Variants in PTPRB observed in about 807,000 individuals in gnomAD.
PTPRB encodes the protein protein tyrosine phosphatase receptor type B.
In PTPRB, 97 loss-of-function variants were observed where a neutral mutation model predicts 238.1. That is an observed-to-expected ratio of 0.41 (90% CI 0.35 to 0.48). PTPRB has a LOEUF of 0.48. PTPRB is among the 20% of genes least tolerant of loss of function. The pLI is 0.30. For synonymous variants in PTPRB, 970 were observed against 995.4 expected, an observed-to-expected ratio of 0.97 and a Z score of 0.48; for missense variants, 2,292 against 2,681.9, an observed-to-expected ratio of 0.85 and a Z score of 3.21.
chr12:70,536,851 T>G (rs1273958620), intron 28 of PTPRB, among the ~76,000 whole-genome samples: 1 of 152,246 alleles, frequency 6.6e-6, no homozygotes, highest in African/African-American at 2.4e-5. Flanking sequence ...CTCAGCATGG[T>G]GCCTGCTTGG....
intron 31 of PTPRB, among the ~76,000 whole-genome samples, chr12:70,532,792 T>C (rs1873490066): frequency 6.6e-6 from 1 of 151,342 alleles, no homozygotes; most frequent in Non-Finnish European, 1.5e-5. Context: ...CAGGCATGTG[T>C]AACTACTCCC....
In PTPRB at chr12:70,566,548, G is replaced by A. The variant is rs1879324557; in HGVS notation, c.3791C>T (p.Thr1264Ile). 6.2e-7 allele frequency: 1 copy of A among 1,613,954 alleles called. No individual in the cohort carries two copies. Among genetic ancestry groups the A allele is most frequent in the Non-Finnish European group, 8.5e-7 (1 of 1,179,874 alleles). ...ILLRNTSEPATTKQHKFEDLT... is the reference protein window; with the variant it reads ...ILLRNTSEPAITKQHKFEDLT... ...ATCTTCAAATTTGTGTTGCTTAGTG[G>A]TGGCTGGCTCTGATGTGTTGCGCAG... The change falls in exon 15 of 34, where the codon ACC (threonine) becomes ATC (isoleucine). Residue 1264 changes from threonine to isoleucine, a missense_variant. Around this residue, in one of 4 missense-constraint regions of PTPRB, gnomAD observed 683 missense variants for 862.0 expected, o/e 0.79. Coordinates refer to ENST00000334414, the MANE Select transcript of PTPRB (RefSeq NM_001109754.4).
intron 22 of PTPRB, chr12:70,542,992 A>G (rs572152292): frequency 1.3e-5 from 2 of 151,944 alleles, no homozygotes; most frequent in South Asian, 2.1e-4. Context: ...TTTATATGCT[A>G]TTCAGCCCTT....
At position 70,534,530 on chromosome 12, in the gene PTPRB, ATGTAGTCCCTGAC is replaced by A; in HGVS notation, c.6313_6325del (p.Val2105SerfsTer34). The stretch of plus-strand genomic sequence containing the variant: ...GGGCCCAGCACCCGGGCTTCTGTTG[ATGTAGTCCCTGAC>A]AGTTCTCACAAACTGGATCAGAGAC... On this transcript the variant is annotated frameshift_variant, in exon 31 of 34. Transcript: ENST00000334414. LOFTEE classifies it high-confidence loss of function. The A allele has an allele frequency of 4.3e-6, 7 of 1,613,416 alleles. No homozygotes were observed. The highest frequency in any genetic ancestry group is 5.9e-6 in the Non-Finnish European group (7 of 1,179,728).
chr12:70,552,868 G>A lies in PTPRB; in HGVS notation c.5296C>T (p.Leu1766Phe). The A allele has an allele frequency of 6.2e-7, 1 of 1,613,958 alleles. No homozygotes were observed. Among genetic ancestry groups the A allele is most frequent in the Non-Finnish European group, 8.5e-7 (1 of 1,179,874 alleles). ...NSNSKSFNIK[L>F]GAEMESLGGK... Reference sequence around the variant, plus strand: ...CCTAGGCTCTCCATCTCTGCTCCAAGCTTAATGTTAAAACTCTTGGAGTTG... The same window carrying A: ...CCTAGGCTCTCCATCTCTGCTCCAAACTTAATGTTAAAACTCTTGGAGTTG... The change falls in exon 21 of 34, where the codon CTT becomes TTT. Residue 1766 changes from leucine (L) to phenylalanine (F), a missense_variant. Physicochemically the swap from Leu to Phe is conservative, Grantham distance 22. Coordinates refer to ENST00000334414, the MANE Select transcript of PTPRB (RefSeq NM_001109754.4).
At chr12:70,594,344 C>A in intron 6 of PTPRB, 123 bp downstream of exon 6, 1 of 1,297,868 alleles carries the variant, frequency 7.7e-7, no homozygotes, top group Non-Finnish European at 1.0e-6. Context: ...GGATATGGGT[C>A]TTCTATACCT....
Position 70,540,843 on chromosome 12 carries a change from G to A in PTPRB, c.5594+15C>T, listed in dbSNP as rs772631337. Reference sequence around the variant, plus strand: ...AAGTTGTGGGTCCAATCACCAAAAGGATCTTTGTACTTACCTCACTTTCTG... The same window carrying A: ...AAGTTGTGGGTCCAATCACCAAAAGAATCTTTGTACTTACCTCACTTTCTG... On this transcript the variant is annotated intron_variant, in intron 23 of 33. Coordinates refer to ENST00000334414, the MANE Select transcript of PTPRB (RefSeq NM_001109754.4). 1.4e-5 allele frequency: 22 copies of A among 1,576,236 alleles called. No individual in the cohort carries two copies. The African/African-American group carries it at 2.3e-4, about 16-fold the overall frequency.
At chr12:70,548,344 T>A (rs141890021) in intron 21 of PTPRB, among the ~76,000 whole-genome samples, 19 of 20,462 alleles carry the variant, frequency 9.3e-4, no homozygotes, top group African/African-American at 1.7e-3. Flanking sequence ...TCTCTCTCTC[T>A]CTCACACACA....
chr12:70,609,058 T>C lies in PTPRB; in HGVS notation c.979+11A>G, dbSNP rs1238219061. 1 of 1,613,358 alleles carries C rather than the reference T, an allele frequency of 6.2e-7. No individual in the cohort carries two copies. The highest frequency in any genetic ancestry group is 2.2e-5 in the East Asian group (1 of 44,878). ...TGGCTTGGCCATCCAATTGCACCTGTCATCCTTTACCTGTTTGCAAGACCA... is the reference window on the plus strand; with the variant it reads ...TGGCTTGGCCATCCAATTGCACCTGCCATCCTTTACCTGTTTGCAAGACCA... On this transcript the variant is annotated intron_variant, in intron 4 of 33. Coordinates refer to ENST00000334414, the MANE Select transcript of PTPRB (RefSeq NM_001109754.4).
chr12:70,619,661 C>T (rs1263917687), intron 3 of PTPRB, among the ~76,000 whole-genome samples: 2 of 152,108 alleles, frequency 1.3e-5, no homozygotes, highest in East Asian at 3.9e-4. Context: ...GACTCCCCAG[C>T]CTACACCCAG....
rs775967586 is a variant in PTPRB, at chr12:70,536,168, A to T, written c.5947-9T>A. On this transcript the variant is annotated splice_polypyrimidine_tract_variant and intron_variant, in intron 28 of 33. Coordinates refer to ENST00000334414, the MANE Select transcript of PTPRB (RefSeq NM_001109754.4). Reference sequence around the variant, plus strand: ...CTTCTGAAGTTGTTGCCCTGCAATGAATTTACAATATGGAGAGTCAGAAAC... The same window carrying T: ...CTTCTGAAGTTGTTGCCCTGCAATGTATTTACAATATGGAGAGTCAGAAAC... The T allele has an allele frequency of 3.7e-6, 6 of 1,611,114 alleles. 1 individual carries two copies. The highest frequency in any genetic ancestry group is 5.1e-6 in the Non-Finnish European group (6 of 1,178,374).
At chr12:70,549,460 A>G (rs576873011) in intron 21 of PTPRB, among the ~76,000 whole-genome samples, 1 of 152,342 alleles carries the variant, frequency 6.6e-6, no homozygotes, top group South Asian at 2.1e-4. Context: ...ACAATGGAAT[A>G]AAACATATGA....
intron 21 of PTPRB, among the ~76,000 whole-genome samples, chr12:70,552,497 A>AAT (rs1555224822): frequency 4.0e-5 from 6 of 149,042 alleles, no homozygotes; most frequent in Admixed American, 2.0e-4. Context: ...AAAAAAAAAA[A>AAT]AAATAATGAA....
intron 29 of PTPRB, 128 bp downstream of exon 29, chr12:70,535,897 A>ATAAG: frequency 1.8e-6 from 2 of 1,141,230 alleles, no homozygotes; most frequent in Non-Finnish European, 2.5e-6. Context: ...ACAGAGTGGT[A>ATAAG]TAAGTCACTA....
At position 70,538,227 on chromosome 12, in the gene PTPRB, A is replaced by G. The variant is rs774092097; in HGVS notation, c.5874T>C (p.Asp1958=). 70 of 1,613,020 alleles carry G rather than the reference A, an allele frequency of 4.3e-5. No homozygotes were observed. The highest frequency in any genetic ancestry group is 8.4e-5 in the Admixed American group (5 of 59,832). Residue 1958 remains aspartate (D), a synonymous_variant, in exon 28 of 34, where the codon GAT becomes GAC. Transcript: ENST00000334414. ...CATTGGAGAGCTTCACTCGCGTGGC[A>G]TCATCTGGAAGGAGAGATTTGCTGC... The part of the protein sequence containing the change: ...KNRYNNILPY[D]ATRVKLSNVD...
At chr12:70,619,122 C>A (rs1264275929) in intron 3 of PTPRB, among the ~76,000 whole-genome samples, 1 of 151,070 alleles carries the variant, frequency 6.6e-6, no homozygotes, top group African/African-American at 2.4e-5. Flanking sequence ...ATCAGGCACA[C>A]TATGTAAGAG....
chr12:70,536,156 T>C lies in PTPRB; in HGVS notation c.5950A>G (p.Asn1984Asp). ...ACAATGTATTCTCTTCTGAAGTTGT[T>C]GCCCTGCAATGAATTTACAATATGG... ...DYINASYIPG[N>D]NFRREYIVTQ... Residue 1984 changes from asparagine to aspartate, a missense_variant, in exon 29 of 34, where the codon AAC (asparagine) becomes GAC (aspartate). By Grantham distance (23) the Asn-to-Asp change is conservative. This residue lies in a region of PTPRB where 397 missense variants were observed against 502.0 expected (regional missense o/e 0.79). Transcript: ENST00000334414. 1 of 1,612,626 alleles carries C rather than the reference T, an allele frequency of 6.2e-7. No homozygotes were observed. Among genetic ancestry groups the C allele is most frequent in the Non-Finnish European group, 8.5e-7 (1 of 1,179,210 alleles).
chr12:70,633,032 G>C (rs1477227548), intron 2 of PTPRB, among the ~76,000 whole-genome samples: 2 of 152,174 alleles, frequency 1.3e-5, no homozygotes, highest in African/African-American at 2.4e-5. Context: ...TATGAAACAT[G>C]TGGCTTAGAT....
chr12:70,550,326 A>G (rs1189401786), intron 21 of PTPRB, among the ~76,000 whole-genome samples: 3 of 152,206 alleles, frequency 2.0e-5, no homozygotes, highest in Non-Finnish European at 4.4e-5. Flanking sequence ...AACTCTGAGG[A>G]GTGAGGAGTA....
Sources: allele counts gnomAD v4.1 joint callset (sites outside exome capture counted in the v4.1 genomes callset), GRCh38; gene constraint gnomAD v4.1.1; regional missense constraint gnomAD v4.1.1; transcripts MANE v1.5; gene names NCBI Gene and HGNC (gene_info 2026-07-23, HGNC 2026-07-21).